CNNM4: variants seen among roughly 807,000 people sequenced by gnomAD.
CNNM4 encodes metal transporter CNNM4.
In CNNM4, 32 loss-of-function variants were observed where a neutral mutation model predicts 53.7. That is an observed-to-expected ratio of 0.60 (90% CI 0.45 to 0.80). CNNM4 has a LOEUF of 0.80. Ranked by LOEUF, CNNM4 falls within the 30% of genes least tolerant of loss-of-function variation. CNNM4 has a pLI of 0.00. For synonymous variants in CNNM4, 410 were observed against 440.0 expected (o/e 0.93, Z 0.85); for missense variants, 784 against 1,022.0 (o/e 0.77, Z 3.17).
chr2:96,770,563 G>A (rs958710431), intron 1 of CNNM4, among the ~76,000 whole-genome samples: 3 of 152,326 alleles, frequency 2.0e-5, no homozygotes, highest in South Asian at 4.1e-4. Context: ...ACCGTCCTTC[G>A]CAGCAGCTTT....
intron 1 of CNNM4, among the ~76,000 whole-genome samples, chr2:96,764,947 A>G (rs1169333794): frequency 1.4e-5 from 2 of 138,898 alleles, no homozygotes; most frequent in Admixed American, 7.6e-5. Context: ...AGATCGCACC[A>G]CTGCACTCCA....
chr2:96,771,783 C>T (rs2078872215), intron 1 of CNNM4, among the ~76,000 whole-genome samples: 1 of 152,064 alleles, frequency 6.6e-6, no homozygotes, highest in South Asian at 2.1e-4. Flanking sequence ...ATGGGTTCTT[C>T]AGATTCCCTG....
intron 4 of CNNM4, 42 bp from the exon 5 acceptor site, chr2:96,799,510 C>G: frequency 6.6e-7 from 1 of 1,513,140 alleles, no homozygotes. Flanking sequence ...CCTTTGTTTC[C>G]TCCCTCACTT....
chr2:96,809,169 C>T, intron 6 of CNNM4, 151 bp from the exon 7 acceptor site: 1 of 1,503,524 alleles, frequency 6.7e-7, no homozygotes, highest in Non-Finnish European at 8.9e-7. Flanking sequence ...CTTGTTCGTG[C>T]ACCTTGTTCT....
At position 96,799,382 on chromosome 2, in the gene CNNM4, C is replaced by T. The variant is rs528635307; in HGVS notation, c.1851+156C>T. Among the ~76,000 whole-genome samples, 4 of 152,306 alleles carry T rather than the reference C, an allele frequency of 2.6e-5. No individual in the cohort carries two copies. In the East Asian group the frequency reaches 7.7e-4, roughly 29 times the overall value. ...CCCGCCTGCCCCACGTGGCCATCCT[C>T]TCCCTGAGAGGCCACTCTTGATCTC... is the stretch of plus-strand genomic sequence containing the variant. On this transcript the variant is annotated intron_variant, in intron 4 of 6. Transcript: ENST00000377075.
chr2:96,783,242 G>A (rs1330678112), intron 1 of CNNM4, among the ~76,000 whole-genome samples: 2 of 152,204 alleles, frequency 1.3e-5, no homozygotes, highest in African/African-American at 2.4e-5. Flanking sequence ...TGCTGGGGCA[G>A]GGGCGAGATG....
chr2:96,770,701 A>G (rs1364963921), intron 1 of CNNM4, among the ~76,000 whole-genome samples: 3 of 152,176 alleles, frequency 2.0e-5, no homozygotes, highest in African/African-American at 7.2e-5. Flanking sequence ...CAGCAAGGAC[A>G]TCTTTGAGGG....
At chr2:96,772,661 GCGTGCACA>G (rs1280534047) in intron 1 of CNNM4, among the ~76,000 whole-genome samples, 3 of 76,524 alleles carry the variant, frequency 3.9e-5, no homozygotes. Context: ...ACACACACAT[GCGTGCACA>G]CACACACACA....
intron 5 of CNNM4, among the ~76,000 whole-genome samples, chr2:96,807,544 AAAAAC>A (rs1404264399): frequency 6.6e-6 from 1 of 152,048 alleles, no homozygotes. Flanking sequence ...AAACAAAAAC[AAAAAC>A]AAAACAAAAC....
In CNNM4 at chr2:96,809,354, C is replaced by T; in HGVS notation, c.2165C>T (p.Ala722Val). 6.2e-7 allele frequency: 1 copy of T among 1,614,198 alleles called. No individual in the cohort carries two copies. Among genetic ancestry groups the T allele is most frequent in the African/African-American group, 1.3e-5 (1 of 75,068 alleles). The change falls in exon 7 of 7, where the codon GCT becomes GTT. Residue 722 changes from alanine to valine, a missense_variant. Ala to Val is a moderately conservative substitution (Grantham distance 64). Transcript: ENST00000377075. ...CAGCAGTACCAGAACGGGCTGCTGG[C>T]TTCTCGCATGGAGAACAGCCCTCAG... is the stretch of plus-strand genomic sequence containing the variant. ...TRQQYQNGLL[A>V]SRMENSPQFP...
rs2079119209 is a variant in CNNM4 at position 96,797,882 on chromosome 2, T to A, written c.1681+235T>A. ...AACTTCTAGGAAGCATCCAAGTTAC[T>A]ATATTTAATAGTTTGGGAAATAATG... is the stretch of plus-strand genomic sequence containing the variant. On this transcript the variant is annotated intron_variant, in intron 3 of 6. Transcript: ENST00000377075. This position sits in a 1 kb window ranked among gnomAD's most constrained non-coding sequence, Gnocchi z 6.0. Among the ~76,000 whole-genome samples, 6 of 152,326 alleles carry A rather than the reference T, an allele frequency of 3.9e-5. No individual in the cohort carries two copies. The South Asian group carries it at 1.2e-3, about 32-fold the overall frequency.
chr2:96,796,981 C>A (rs762272039), intron 1 of CNNM4, 31 bp from the exon 2 acceptor site: 1 of 1,610,946 alleles, frequency 6.2e-7, no homozygotes, highest in Admixed American at 1.7e-5. Flanking sequence ...GGCCTCTGGG[C>A]TCTTGTCTGA....
At chr2:96,764,319 G>A (rs1189401732) in intron 1 of CNNM4, among the ~76,000 whole-genome samples, 2 of 152,132 alleles carry the variant, frequency 1.3e-5, no homozygotes, top group Non-Finnish European at 2.9e-5. Context: ...CCGTAGCAGA[G>A]CTCTGCTGAG....
At chr2:96,769,575 A>G (rs2078850081) in intron 1 of CNNM4, among the ~76,000 whole-genome samples, 1 of 151,930 alleles carries the variant, frequency 6.6e-6, no homozygotes, top group Non-Finnish European at 1.5e-5. Flanking sequence ...AAAAAAAAAA[A>G]AAAAAGAATG....
Position 96,811,506 on chromosome 2 carries a change from G to A in CNNM4, c.*1989G>A, listed in dbSNP as rs934276549. The A allele has an allele frequency of 6.6e-6, 1 of 152,478 alleles. No homozygotes were observed. Among genetic ancestry groups the A allele is most frequent in the African/African-American group, 2.4e-5 (1 of 41,396 alleles). 9.4% of individuals were successfully genotyped at this position (152,478 alleles called of 1,614,324 possible). On this transcript the variant is annotated 3_prime_UTR_variant, in exon 7 of 7. Coordinates refer to ENST00000377075, the MANE Select transcript of CNNM4 (RefSeq NM_020184.4). ...CATTGATCATCCCTTCTCACAGAGG[G>A]TCATCATTATTTCCAAATATTGTTT... is the stretch of plus-strand genomic sequence containing the variant.
intron 1 of CNNM4, among the ~76,000 whole-genome samples, chr2:96,783,029 ACT>A (rs989268584): frequency 6.6e-6 from 1 of 151,712 alleles, no homozygotes; most frequent in African/African-American, 2.4e-5. Context: ...AACATGTGAG[ACT>A]CTGTCTCTAT....
chr2:96,770,202 C>T (rs368938465), intron 1 of CNNM4, among the ~76,000 whole-genome samples: 3 of 152,230 alleles, frequency 2.0e-5, no homozygotes, highest in Non-Finnish European at 4.4e-5. Flanking sequence ...TGCTGTGCAT[C>T]GAGGCCCTGA....
intron 1 of CNNM4, among the ~76,000 whole-genome samples, chr2:96,783,940 A>G (rs1264096310): frequency 1.3e-5 from 2 of 152,230 alleles, no homozygotes; most frequent in African/African-American, 4.8e-5. Flanking sequence ...TTTGTGGTGG[A>G]AATATTTTAT....
chr2:96,803,129 G>C (rs1400288747), intron 5 of CNNM4, among the ~76,000 whole-genome samples: 1 of 152,268 alleles, frequency 6.6e-6, no homozygotes, highest in East Asian at 1.9e-4. Flanking sequence ...AGGTGACTTA[G>C]AAGCAGTTAC....
Sources: allele counts gnomAD v4.1 joint callset (sites outside exome capture counted in the v4.1 genomes callset), GRCh38; gene constraint gnomAD v4.1.1; non-coding constraint Gnocchi (gnomAD v3.1); transcripts MANE v1.5; gene names NCBI Gene and HGNC (gene_info 2026-07-23, HGNC 2026-07-21).